Variants in ZNF343 observed in about 807,000 individuals in gnomAD.
ZNF343 encodes zinc finger protein 343.
Under a neutral mutation model 13.8 loss-of-function variants are expected in ZNF343, and 11 were observed. The observed-to-expected ratio is 0.80, with a 90% confidence interval of 0.50 to 1.32. ZNF343 has a LOEUF of 1.32. ZNF343 is among the 40% of genes most tolerant of loss of function. The pLI, the probability that ZNF343 is intolerant of heterozygous loss-of-function variation, is 0.00. For missense variants in ZNF343, 658 were observed against 714.2 expected, an observed-to-expected ratio of 0.92 and a Z score of 0.90; for synonymous variants, 248 against 260.0, an observed-to-expected ratio of 0.95 and a Z score of 0.44.
At position 2,484,136 on chromosome 20, in the gene ZNF343, C is replaced by T. The variant is rs1313621212; in HGVS notation, c.825G>A (p.Gly275=). ...GGGTTGATCTATCTTTAAAGCTTCG[C>T]CCACAATCACTGCAAATGTAGGGCT... ...GKKPYICSDC[G]RSFKDRSTLI... Residue 275 remains glycine (G), a synonymous_variant, in exon 6 of 6, where the codon GGG becomes GGA. Transcript: ENST00000278772. 6.2e-7 allele frequency: 1 copy of T among 1,614,076 alleles called. No individual in the cohort carries two copies. Among genetic ancestry groups the T allele is most frequent in the Non-Finnish European group, 8.5e-7 (1 of 1,180,040 alleles).
chr20:2,524,310 C>G (rs1186032322), intron 1 of ZNF343: 1 of 152,276 alleles, frequency 6.6e-6, no homozygotes. Context: ...GACCCTGCCT[C>G]AGAGAGAGAC....
rs1225692226 is a variant in ZNF343, at chr20:2,508,851, G to C, written c.-237+30C>G. On this transcript the variant is annotated intron_variant, in intron 1 of 5. Transcript: ENST00000278772. This position sits in a 1 kb window ranked among gnomAD's most constrained non-coding sequence, Gnocchi z 4.5. ...TTTCCCCACGAGAGAGGGCATCCTG[G>C]GGCCAAGGAGCCGCGGAGGCCGCGC... is the stretch of plus-strand genomic sequence containing the variant. 1 of 152,266 alleles carries C rather than the reference G, an allele frequency of 6.6e-6. No individual in the cohort carries two copies. Among genetic ancestry groups the C allele is most frequent in the Non-Finnish European group, 1.5e-5 (1 of 68,074 alleles). The allele number at this position is 152,266 out of a possible 1,614,324, so 9.4% of individuals were successfully genotyped here. A position where few individuals can be genotyped will look rare whatever the true frequency, so the allele number is the denominator to read the frequency against.
Position 2,493,476 on chromosome 20 carries a change from A to C in ZNF343, c.177+43T>G, listed in dbSNP as rs749524647. ...ATATATGTCTATTCTCTGGAAAATG[A>C]GCCAGCACTTCAGGAAAAAAAAAAA... is the stretch of plus-strand genomic sequence containing the variant. On this transcript the variant is annotated intron_variant, in intron 4 of 5. Transcript: ENST00000278772. The C allele has an allele frequency of 3.2e-6, 5 of 1,552,122 alleles. No homozygotes were observed. In the South Asian group the frequency reaches 4.5e-5, roughly 14 times the overall value.
intron 5 of ZNF343, among the ~76,000 whole-genome samples, chr20:2,488,891 A>C (rs1478787180): frequency 1.3e-5 from 2 of 152,152 alleles, no homozygotes; most frequent in Non-Finnish European, 2.9e-5. Flanking sequence ...CTAAAAATAC[A>C]AACAATTAGC....
chr20:2,503,847 A>G (rs1450124167), intron 1 of ZNF343, among the ~76,000 whole-genome samples: 2 of 152,192 alleles, frequency 1.3e-5, no homozygotes, highest in Non-Finnish European at 2.9e-5. Flanking sequence ...AATGCCCACA[A>G]GAGAAAGCAG....
At chr20:2,488,899 A>G (rs1053136116) in intron 5 of ZNF343, among the ~76,000 whole-genome samples, 8 of 152,066 alleles carry the variant, frequency 5.3e-5, no homozygotes, top group African/African-American at 1.9e-4. Context: ...ACAAACAATT[A>G]GCTGGCATGG....
intron 1 of ZNF343, among the ~76,000 whole-genome samples, chr20:2,520,458 C>A (rs886617083): frequency 2.0e-5 from 3 of 152,102 alleles, no homozygotes; most frequent in Non-Finnish European, 2.9e-5. Flanking sequence ...CATGGCAAGA[C>A]CCCGTCTCTA....
intron 1 of ZNF343, among the ~76,000 whole-genome samples, chr20:2,501,637 CA>C (rs915384611): frequency 6.6e-6 from 1 of 152,148 alleles, no homozygotes; most frequent in Non-Finnish European, 1.5e-5. Context: ...GATCAGGCAG[CA>C]ACATTTGCTG....
chr20:2,498,610 T>C (rs2085501782), intron 2 of ZNF343, among the ~76,000 whole-genome samples: 1 of 152,170 alleles, frequency 6.6e-6, no homozygotes, highest in Non-Finnish European at 1.5e-5. Context: ...AATTCAGATA[T>C]TCATCAGATA....
intron 1 of ZNF343, among the ~76,000 whole-genome samples, chr20:2,514,988 G>A (rs1481031767): frequency 6.9e-6 from 1 of 145,386 alleles, no homozygotes; most frequent in African/African-American, 2.6e-5. Context: ...GGGTGACAGA[G>A]CGAGACATTG....
chr20:2,519,119 A>T (rs1245980526), intron 1 of ZNF343, among the ~76,000 whole-genome samples: 2 of 152,150 alleles, frequency 1.3e-5, no homozygotes, highest in Non-Finnish European at 2.9e-5. Flanking sequence ...TCTTTATAGT[A>T]GTGTGAAAAT....
chr20:2,507,923 C>T (rs1419683636), intron 1 of ZNF343, among the ~76,000 whole-genome samples: 2 of 152,120 alleles, frequency 1.3e-5, no homozygotes, highest in African/African-American at 2.4e-5. Context: ...GAGTTCCCCA[C>T]CAGACCTAAC....
rs367671721 is a variant in ZNF343, at chr20:2,482,931, G to T, written c.*230C>A. ...ACTTCTCTCCTAAGTGTGTCCTTTT[G>T]TGCATGCTCAAGGCTGACTGATGGC... On this transcript the variant is annotated 3_prime_UTR_variant, in exon 6 of 6. Coordinates refer to ENST00000278772, the MANE Select transcript of ZNF343 (RefSeq NM_024325.6). 1 of 550,008 alleles carries T rather than the reference G, an allele frequency of 1.8e-6. No individual in the cohort carries two copies. The highest frequency in any genetic ancestry group is 3.2e-6 in the Non-Finnish European group (1 of 313,386). The allele number at this position is 550,008 out of a possible 1,614,324, so 34.1% of individuals were successfully genotyped here. A position where few individuals can be genotyped will look rare whatever the true frequency, so the allele number is the denominator to read the frequency against.
At chr20:2,512,200 G>A (rs1467210012), upstream of ZNF343, among the ~76,000 whole-genome samples, 2 of 152,138 alleles carry the variant, frequency 1.3e-5, no homozygotes, top group African/African-American at 2.4e-5. Flanking sequence ...TACATACTCC[G>A]TTCATGGGTT....
Position 2,492,681 on chromosome 20 carries a change from G to A in ZNF343, c.304+18C>T, listed in dbSNP as rs769724502. The stretch of plus-strand genomic sequence containing the variant: ...TCTCTACTGAATTAATGAAGGAAAG[G>A]AAAGAACACAGCCTTACCCAATGAG... On this transcript the variant is annotated intron_variant, in intron 5 of 5. Coordinates refer to ENST00000278772, the MANE Select transcript of ZNF343 (RefSeq NM_024325.6). The A allele has an allele frequency of 4.4e-6, 7 of 1,603,698 alleles. No homozygotes were observed. In the African/African-American group the frequency reaches 5.4e-5, roughly 12 times the overall value.
intron 1 of ZNF343, among the ~76,000 whole-genome samples, chr20:2,507,954 A>T (rs933561442): frequency 1.3e-5 from 2 of 152,098 alleles, no homozygotes; most frequent in African/African-American, 4.8e-5. Flanking sequence ...CCCAAACCAG[A>T]TGTTTGGCCC....
At position 2,494,011 on chromosome 20, in the gene ZNF343, T is replaced by C; in HGVS notation, c.-116A>G. Reference sequence around the variant, plus strand: ...TGGTGACTTCTTCCAACCTTAATTATAAAAAGCCCAGCTTGTTTCCCTGCA... The same window carrying C: ...TGGTGACTTCTTCCAACCTTAATTACAAAAAGCCCAGCTTGTTTCCCTGCA... On this transcript the variant is annotated 5_prime_UTR_variant, in exon 3 of 6. Coordinates refer to ENST00000278772, the MANE Select transcript of ZNF343 (RefSeq NM_024325.6). 2 of 754,234 alleles carry C rather than the reference T, an allele frequency of 2.7e-6. No homozygotes were observed. The highest frequency in any genetic ancestry group is 1.6e-5 in the South Asian group (1 of 63,258). 46.7% of individuals were successfully genotyped at this position (754,234 alleles called of 1,614,324 possible). A position where few individuals can be genotyped will look rare whatever the true frequency, so the allele number is the denominator to read the frequency against.
chr20:2,491,270 T>C (rs1198825441), intron 5 of ZNF343, among the ~76,000 whole-genome samples: 1 of 152,178 alleles, frequency 6.6e-6, no homozygotes, highest in Non-Finnish European at 1.5e-5. Flanking sequence ...TCAAAGACAG[T>C]ACAAAAAAAT....
At chr20:2,490,691 C>T (rs2085354295) in intron 5 of ZNF343, among the ~76,000 whole-genome samples, 1 of 151,944 alleles carries the variant, frequency 6.6e-6, no homozygotes, top group Non-Finnish European at 1.5e-5. Flanking sequence ...GTGCCCGCCA[C>T]CACACTTGGC....
Sources: gnomAD v4.1 joint callset for allele counts (sites outside exome capture counted in the v4.1 genomes callset) on GRCh38, gnomAD v4.1.1 for gene constraint, Gnocchi (gnomAD v3.1) non-coding constraint, MANE v1.5 for transcripts, NCBI Gene and HGNC (gene_info 2026-07-23, HGNC 2026-07-21) for gene names.